HECW2: variants seen among roughly 807,000 people sequenced by gnomAD.
HECW2 encodes the protein HECT, C2 and WW domain containing E3 ubiquitin protein ligase 2.
In HECW2, 61 loss-of-function variants were observed where a neutral mutation model predicts 175.2. The observed-to-expected ratio is 0.35, with a 90% CI of 0.28 to 0.43. HECW2 has a LOEUF of 0.43. Among genes scored for constraint, HECW2 ranks in the 20% least tolerant of loss-of-function variants. The pLI is 1.00. For missense variants in HECW2, 1,524 were observed against 2,000.5 expected (o/e 0.76, Z 4.54); for synonymous variants, 671 against 731.0 (o/e 0.92, Z 1.32).
At chr2:196,402,198 C>A (rs1462363860) in intron 2 of HECW2, among the ~76,000 whole-genome samples, 3 of 17,782 alleles carry the variant, frequency 1.7e-4, no homozygotes, top group Non-Finnish European at 3.0e-4. Flanking sequence ...GAGACTCTGT[C>A]TCAAAAAAAA....
At chr2:196,496,963 G>A (rs78963016) in intron 1 of HECW2, among the ~76,000 whole-genome samples, 1,862 of 152,138 alleles carry the variant, frequency 0.012, 43 homozygotes, top group African/African-American at 0.043. Context: ...TGAGTAAAAC[G>A]CACCTAAGTC....
Position 196,322,474 on chromosome 2 carries a change from T to A in HECW2, c.884+4A>T. On this transcript the variant is annotated splice_donor_region_variant and intron_variant, in intron 7 of 28. Coordinates refer to ENST00000644978, the MANE Select transcript of HECW2 (RefSeq NM_001348768.2). ...CAAGATCCCCAAAGGTAAGGGCTGA[T>A]TACCCGATGGCTTGTCGCTCCAGCA... is the stretch of plus-strand genomic sequence containing the variant. 1.2e-6 allele frequency: 2 copies of A among 1,612,626 alleles called. No individual in the cohort carries two copies. The highest frequency in any genetic ancestry group is 1.7e-6 in the Non-Finnish European group (2 of 1,179,500).
intron 2 of HECW2, among the ~76,000 whole-genome samples, chr2:196,381,622 C>G (rs1694209596): frequency 6.6e-6 from 1 of 152,012 alleles, no homozygotes; most frequent in Non-Finnish European, 1.5e-5. Flanking sequence ...TTGCCTCCTA[C>G]CAGGAGGGCA....
intron 1 of HECW2, among the ~76,000 whole-genome samples, chr2:196,474,017 C>T (rs1242043568): frequency 2.0e-5 from 3 of 152,166 alleles, no homozygotes; most frequent in African/African-American, 7.2e-5. Context: ...AACTCTGTTT[C>T]ACAAACCTTT....
rs546153575 is a variant in HECW2, at chr2:196,253,571, G to A, written c.3529+349C>T. On this transcript the variant is annotated intron_variant, in intron 19 of 28. Transcript: ENST00000644978. ...TTCCATATTATTTCTTGAGAGTAGA[G>A]ACTTTATCTTCATTGTATATCAAAA... 3.9e-5 allele frequency among the ~76,000 whole-genome samples: 6 copies of A among 152,276 alleles called. No homozygotes were observed. The South Asian group carries it at 1.2e-3, about 32-fold the overall frequency.
chr2:196,529,069 T>G (rs1405382838), intron 1 of HECW2, among the ~76,000 whole-genome samples: 3 of 152,216 alleles, frequency 2.0e-5, no homozygotes, highest in Non-Finnish European at 4.4e-5. Context: ...TATAACCACA[T>G]GCAGAAGCCA....
intron 2 of HECW2, among the ~76,000 whole-genome samples, chr2:196,397,408 T>C (rs1334573297): frequency 6.9e-6 from 1 of 145,398 alleles, no homozygotes; most frequent in African/African-American, 2.5e-5. Context: ...TTTTATATCA[T>C]CTCAATGATC....
chr2:196,387,750 T>C (rs995511481), intron 2 of HECW2, among the ~76,000 whole-genome samples: 4 of 152,200 alleles, frequency 2.6e-5, no homozygotes, highest in Non-Finnish European at 4.4e-5. Context: ...TATTTCAGCA[T>C]GAAGTCAACA....
At chr2:196,445,513 A>G (rs1328796368) in intron 1 of HECW2, among the ~76,000 whole-genome samples, 1 of 152,200 alleles carries the variant, frequency 6.6e-6, no homozygotes, top group Non-Finnish European at 1.5e-5. Context: ...TTAGCCAACT[A>G]AAAAGGATTT....
rs13431890 is a variant in HECW2 at position 196,236,294 on chromosome 2, G to A, written c.3764+4155C>T. The stretch of plus-strand genomic sequence containing the variant: ...AGATAACAAGGAAACAAATTGTCCA[G>A]GGAAACATTTCCTAAATCTCCCCGA... On this transcript the variant is annotated intron_variant, in intron 21 of 28. Transcript: ENST00000644978. 3.0e-3 allele frequency among the ~76,000 whole-genome samples: 455 copies of A among 152,220 alleles called. 3 individuals are homozygous for A. Among genetic ancestry groups the A allele is most frequent in the African/African-American group, 0.011 (444 of 41,540 alleles).
At chr2:196,284,416 A>G (rs572204904) in intron 14 of HECW2, among the ~76,000 whole-genome samples, 1 of 152,218 alleles carries the variant, frequency 6.6e-6, no homozygotes, top group Non-Finnish European at 1.5e-5. Flanking sequence ...TAAGACCTCC[A>G]TCAAAGCCAC....
chr2:196,475,455 C>A (rs1037705524), intron 1 of HECW2, among the ~76,000 whole-genome samples: 1 of 151,928 alleles, frequency 6.6e-6, no homozygotes. Flanking sequence ...GGGCGGCTCA[C>A]ATAACTGAAA....
At chr2:196,410,477 A>G (rs1695079873) in intron 2 of HECW2, among the ~76,000 whole-genome samples, 1 of 152,224 alleles carries the variant, frequency 6.6e-6, no homozygotes, top group Non-Finnish European at 1.5e-5. Context: ...TCATAAAAAT[A>G]AATCTTTAGA....
intron 1 of HECW2, among the ~76,000 whole-genome samples, chr2:196,536,387 T>A (rs1689023055): frequency 6.6e-6 from 1 of 152,138 alleles, no homozygotes; most frequent in South Asian, 2.1e-4. Flanking sequence ...CTGGACTACA[T>A]GAGAGAGCTG....
At chr2:196,470,749 G>A (rs950685632) in intron 1 of HECW2, among the ~76,000 whole-genome samples, 1 of 152,062 alleles carries the variant, frequency 6.6e-6, no homozygotes, top group Non-Finnish European at 1.5e-5. Context: ...TAGACCCATT[G>A]ATATATGGAA....
chr2:196,535,189 A>C (rs1434778182), intron 1 of HECW2, among the ~76,000 whole-genome samples: 1 of 152,218 alleles, frequency 6.6e-6, no homozygotes, highest in East Asian at 1.9e-4. Flanking sequence ...AGTTTGTGAA[A>C]ATCAGTGCTG....
intron 26 of HECW2, 74 bp from the exon 27 acceptor site, chr2:196,217,167 G>C (rs2105806179): frequency 1.0e-6 from 1 of 993,530 alleles, no homozygotes; most frequent in Non-Finnish European, 1.5e-6. Flanking sequence ...GTGACACGAA[G>C]AGTCCCCAGA....
chr2:196,387,563 A>G (rs184841256), intron 2 of HECW2, among the ~76,000 whole-genome samples: 1 of 152,314 alleles, frequency 6.6e-6, no homozygotes, highest in East Asian at 1.9e-4. Context: ...TACCTAGCCT[A>G]AAGTCTTCTG....
chr2:196,349,601 T>G (rs1362549509), intron 2 of HECW2, among the ~76,000 whole-genome samples: 4 of 152,038 alleles, frequency 2.6e-5, no homozygotes, highest in African/African-American at 7.2e-5. Context: ...TGAGCCACCA[T>G]GCCTGAACAT....
Sources: gnomAD v4.1 joint callset for allele counts (sites outside exome capture counted in the v4.1 genomes callset) on GRCh38, gnomAD v4.1.1 for gene constraint, MANE v1.5 for transcripts, NCBI Gene and HGNC (gene_info 2026-07-23, HGNC 2026-07-21) for gene names.